The following TMA16 variants were observed in gnomAD, a reference collection of about 807,000 sequenced individuals.
The protein encoded by TMA16 is translation machinery associated 16 homolog.
Under a neutral mutation model 27.1 loss-of-function variants are expected in TMA16, and 26 were observed. The observed-to-expected ratio is 0.96, with a 90% CI of 0.70 to 1.33. The LOEUF is 1.33. TMA16 is among the 40% of genes most tolerant of loss of function. The probability of loss-of-function intolerance (pLI) is 0.00; values close to 1 mark genes in which losing one functional copy is unlikely to be tolerated. For missense variants in TMA16, 233 were observed against 241.4 expected, an observed-to-expected ratio of 0.97 and a Z score of 0.23; for synonymous variants, 71 against 81.9, an observed-to-expected ratio of 0.87 and a Z score of 0.72.
rs763226860 is a variant in TMA16 at position 163,515,481 on chromosome 4, AT to A, written c.388+24del. The A allele has an allele frequency of 1.9e-6, 3 of 1,599,356 alleles. No homozygotes were observed. Among genetic ancestry groups the A allele is most frequent in the African/African-American group, 2.7e-5 (2 of 73,898 alleles). ...GCCTTGGTGTGCTCACTGATTTTTT[AT>A]TTTCCTTTTATATGACATAGCAGTA... On this transcript the variant is annotated intron_variant, in intron 5 of 6. Coordinates refer to ENST00000358572, the MANE Select transcript of TMA16 (RefSeq NM_018352.3).
At chr4:163,497,409 T>C (rs1453586262) in intron 1 of TMA16, among the ~76,000 whole-genome samples, 2 of 152,238 alleles carry the variant, frequency 1.3e-5, no homozygotes, top group Non-Finnish European at 2.9e-5. Context: ...TTAACTGCCA[T>C]AGTAAAGTGA....
chr4:163,519,580 C>G lies in TMA16; in HGVS notation c.*66C>G. The G allele has an allele frequency of 1.4e-6, 2 of 1,421,238 alleles. No homozygotes were observed. The highest frequency in any genetic ancestry group is 3.6e-4 in the Middle Eastern group (2 of 5,578). 88.0% of individuals were successfully genotyped at this position (1,421,238 alleles called of 1,614,324 possible). Reference sequence around the variant, plus strand: ...CAAATTATATTCATTGATTATGGTACCTAATTGTCATGATACAAAAATTTG... The same window carrying G: ...CAAATTATATTCATTGATTATGGTAGCTAATTGTCATGATACAAAAATTTG... On this transcript the variant is annotated 3_prime_UTR_variant, in exon 7 of 7. Transcript: ENST00000358572.
chr4:163,515,571 C>A, intron 5 of TMA16, 110 bp downstream of exon 5: 3 of 1,348,672 alleles, frequency 2.2e-6, no homozygotes, highest in Non-Finnish European at 3.0e-6. Flanking sequence ...GATTTTCTTC[C>A]TTTGATGTCT....
At chr4:163,517,662 A>G (rs1456407305) in intron 6 of TMA16, 186 bp downstream of exon 6, 2 of 532,512 alleles carry the variant, frequency 3.8e-6, no homozygotes, top group Non-Finnish European at 6.5e-6. Context: ...CTGCACCAAC[A>G]GGATGGTAAC....
chr4:163,508,296 A>T (rs999452553), intron 2 of TMA16, among the ~76,000 whole-genome samples: 5 of 152,202 alleles, frequency 3.3e-5, no homozygotes, highest in African/African-American at 1.2e-4. Context: ...AGAATTTTCT[A>T]TTCTGAAGGT....
In TMA16 at chr4:163,494,823, C is replaced by T. The variant is rs778106745; in HGVS notation, c.3+19C>T. 1 of 1,611,318 alleles carries T rather than the reference C, an allele frequency of 6.2e-7. No homozygotes were observed. The highest frequency in any genetic ancestry group is 1.1e-5 in the South Asian group (1 of 91,082). On this transcript the variant is annotated intron_variant, in intron 1 of 6. Coordinates refer to ENST00000358572, the MANE Select transcript of TMA16 (RefSeq NM_018352.3). The stretch of plus-strand genomic sequence containing the variant: ...CACCATGGTGGGCCCCCTCCTGCTC[C>T]CCCGAACCGCTCGGTTGGTTCCCCG...
chr4:163,510,028 T>A (rs1398321893), intron 2 of TMA16, among the ~76,000 whole-genome samples: 1 of 152,202 alleles, frequency 6.6e-6, no homozygotes, highest in African/African-American at 2.4e-5. Flanking sequence ...AAGTACTGTT[T>A]TAAATAATTC....
intron 2 of TMA16, 181 bp from the exon 3 acceptor site, chr4:163,512,641 A>G (rs1427173287): frequency 4.1e-6 from 2 of 493,162 alleles, no homozygotes; most frequent in African/African-American, 1.9e-5. Context: ...ATAAAATTCT[A>G]GTGATTCAAA....
At chr4:163,518,855 C>G (rs550227987) in intron 6 of TMA16, among the ~76,000 whole-genome samples, 1 of 152,060 alleles carries the variant, frequency 6.6e-6, no homozygotes, top group Non-Finnish European at 1.5e-5. Flanking sequence ...TATCTTCTAC[C>G]TCCTCCAAAG....
At chr4:163,498,454 A>AT (rs1173000773) in intron 1 of TMA16, among the ~76,000 whole-genome samples, 5 of 151,500 alleles carry the variant, frequency 3.3e-5, no homozygotes, top group East Asian at 2.0e-4. Flanking sequence ...CGCCCGGCTA[A>AT]TTTTTTGTAT....
chr4:163,515,357 A>C lies in TMA16; in HGVS notation c.284A>C (p.His95Pro). The C allele has an allele frequency of 6.2e-7, 1 of 1,613,666 alleles. No homozygotes were observed. The highest frequency in any genetic ancestry group is 1.1e-5 in the South Asian group (1 of 90,964). ...FSSELEQIEL[H>P]NSIRDRQGRR... Reference sequence around the variant, plus strand: ...AGTGAGCTGGAGCAGATTGAGTTACATAACAGTATCAGGGACAGGCAGGGG... The same window carrying C: ...AGTGAGCTGGAGCAGATTGAGTTACCTAACAGTATCAGGGACAGGCAGGGG... The change falls in exon 5 of 7, where the codon CAT becomes CCT. Residue 95 changes from histidine (H) to proline (P), a missense_variant. Coordinates refer to ENST00000358572, the MANE Select transcript of TMA16 (RefSeq NM_018352.3).
chr4:163,517,406 C>G, intron 5 of TMA16, 28 bp from the exon 6 acceptor site: 4 of 1,593,926 alleles, frequency 2.5e-6, no homozygotes, highest in Non-Finnish European at 3.4e-6. Flanking sequence ...AACATTGCCT[C>G]ATGGAGATAA....
chr4:163,496,112 T>C (rs181430955), intron 1 of TMA16, among the ~76,000 whole-genome samples: 2 of 152,352 alleles, frequency 1.3e-5, no homozygotes, highest in African/African-American at 4.8e-5. Flanking sequence ...CCTGTTTTCA[T>C]TGGCTCATTT....
intron 2 of TMA16, among the ~76,000 whole-genome samples, chr4:163,509,036 A>C (rs577290172): frequency 1.3e-5 from 2 of 152,256 alleles, no homozygotes; most frequent in African/African-American, 4.8e-5. Context: ...CCCTTTTTAA[A>C]ATTTATTTTC....
At chr4:163,515,107 T>C (rs1328440852) in intron 4 of TMA16, among the ~76,000 whole-genome samples, 1 of 152,026 alleles carries the variant, frequency 6.6e-6, no homozygotes, top group African/African-American at 2.4e-5. Flanking sequence ...TGCAGTTTGA[T>C]AGAAGGCTGC....
At chr4:163,504,746 G>A (rs1466140830) in intron 1 of TMA16, among the ~76,000 whole-genome samples, 1 of 152,158 alleles carries the variant, frequency 6.6e-6, no homozygotes, top group Non-Finnish European at 1.5e-5. Flanking sequence ...GATTCCACCT[G>A]CCTCAGCCTC....
Position 163,496,613 on chromosome 4 carries a change from T to C in TMA16, c.3+1809T>C, listed in dbSNP as rs1352417376. Among the ~76,000 whole-genome samples the C allele has an allele frequency of 2.6e-5, 4 of 152,210 alleles. No individual in the cohort carries two copies. In the South Asian group the frequency reaches 8.3e-4, roughly 32 times the overall value. ...AGTGTTTATTATTTTTTATTTTTTTTTGAGACGGTGTTTTGCTCTTGTTGC... is the reference window on the plus strand; with the variant it reads ...AGTGTTTATTATTTTTTATTTTTTTCTGAGACGGTGTTTTGCTCTTGTTGC... On this transcript the variant is annotated intron_variant, in intron 1 of 6. Coordinates refer to ENST00000358572, the MANE Select transcript of TMA16 (RefSeq NM_018352.3).
chr4:163,512,455 T>C (rs1737812661), intron 2 of TMA16: 1 of 165,136 alleles, frequency 6.1e-6, no homozygotes, highest in African/African-American at 2.4e-5. Flanking sequence ...CATTTTGATC[T>C]TGGTGGCAGT....
intron 2 of TMA16, 43 bp downstream of exon 2, chr4:163,507,188 C>T (rs1737730024): frequency 6.8e-7 from 1 of 1,472,694 alleles, no homozygotes. Flanking sequence ...TGGTAAAAAG[C>T]CCCTTTATAC....
Sources: gnomAD v4.1 joint callset for allele counts (sites outside exome capture counted in the v4.1 genomes callset) on GRCh38, gnomAD v4.1.1 for gene constraint, MANE v1.5 for transcripts, NCBI Gene and HGNC (gene_info 2026-07-23, HGNC 2026-07-21) for gene names.